The following GALNT13 variants were observed in gnomAD, a reference collection of about 807,000 sequenced individuals.
GALNT13 encodes polypeptide N-acetylgalactosaminyltransferase 13.
GALNT13 carries 28 observed loss-of-function variants against 64.2 expected under a neutral mutation model. The ratio of observed to expected loss-of-function variants is 0.44; its 90% CI spans 0.32 to 0.60. The LOEUF (loss-of-function observed/expected upper bound fraction) is 0.60. Ranked by LOEUF, GALNT13 falls within the 20% of genes least tolerant of loss-of-function variation. The pLI, the probability that GALNT13 is intolerant of heterozygous loss-of-function variation, is 0.05. For synonymous variants in GALNT13, 214 were observed against 224.6 expected, an observed-to-expected ratio of 0.95 and a Z score of 0.42; for missense variants, 577 against 669.8, an observed-to-expected ratio of 0.86 and a Z score of 1.53.
chr2:153,360,177 G>A, the GALNT13 span, among the ~76,000 whole-genome samples: 32 of 152,312 alleles, frequency 2.1e-4, no homozygotes, highest in African/African-American at 7.5e-4. Context: ...GCCCACCTGA[G>A]AGCCACATGG....
At chr2:154,110,352 G>GAGAGAGAGAGAGAGAGAGAC (rs1702900052) in intron 3 of GALNT13, among the ~76,000 whole-genome samples, 1 of 88,420 alleles carries the variant, frequency 1.1e-5, no homozygotes, top group African/African-American at 5.1e-5. Flanking sequence ...GAGAGAGAGA[G>GAGAGAGAGAGAGAGAGAGAC]AGAGAGAGAG....
At chr2:153,647,842 A>G in the GALNT13 span, among the ~76,000 whole-genome samples, 1 of 152,320 alleles carries the variant, frequency 6.6e-6, no homozygotes, top group Non-Finnish European at 1.5e-5. Flanking sequence ...TTTTGGTACC[A>G]GTACCATGCT....
rs1473102878 is a variant in GALNT13 at position 154,259,048 on chromosome 2, T to C, written c.885T>C (p.Phe295=). Residue 295 remains phenylalanine, a synonymous_variant, in exon 8 of 13, where the codon TTT becomes TTC. Transcript: ENST00000392825. The part of the protein sequence containing the change: ...VRTPTMAGGL[F]SIDRNYFEEI... ...CCCCTACTATGGCTGGTGGCCTATT[T>C]TCTATTGACAGAAACTACTTTGAAG... The C allele has an allele frequency of 6.2e-7, 1 of 1,606,324 alleles. No individual in the cohort carries two copies. Among genetic ancestry groups the C allele is most frequent in the Non-Finnish European group, 8.5e-7 (1 of 1,174,760 alleles).
the GALNT13 span, among the ~76,000 whole-genome samples, chr2:153,327,731 G>T: frequency 6.6e-6 from 1 of 151,926 alleles, no homozygotes; most frequent in Non-Finnish European, 1.5e-5. Context: ...CTTGCATTGT[G>T]TTAGAACATG....
chr2:154,195,874 A>G (rs1041952847), intron 4 of GALNT13, among the ~76,000 whole-genome samples: 5 of 152,126 alleles, frequency 3.3e-5, no homozygotes, highest in African/African-American at 7.2e-5. Context: ...ACCCCTGCTC[A>G]TGGTACCAGA....
chr2:154,414,959 A>C (rs905723726), intron 11 of GALNT13, among the ~76,000 whole-genome samples: 26 of 151,906 alleles, frequency 1.7e-4, no homozygotes, highest in African/African-American at 6.3e-4. Context: ...TAGTCTTATT[A>C]GGAATATGTT....
chr2:153,239,573 A>G, the GALNT13 span, among the ~76,000 whole-genome samples: 1 of 152,192 alleles, frequency 6.6e-6, no homozygotes, highest in Admixed American at 6.6e-5. Context: ...CTTTTTCAGC[A>G]TCAGTTGAAA....
the GALNT13 span, among the ~76,000 whole-genome samples, chr2:153,479,938 C>A: frequency 1.3e-5 from 2 of 152,130 alleles, no homozygotes; most frequent in African/African-American, 4.8e-5. Context: ...CCCATTACTC[C>A]CTGCCTTCCT....
the GALNT13 span, among the ~76,000 whole-genome samples, chr2:153,287,405 A>G: frequency 1.3e-5 from 2 of 152,192 alleles, no homozygotes; most frequent in Non-Finnish European, 2.9e-5. Flanking sequence ...TCGCAAGGAC[A>G]GAGGGCTTTC....
chr2:153,402,986 TGGA>T, the GALNT13 span, among the ~76,000 whole-genome samples: 1 of 152,034 alleles, frequency 6.6e-6, no homozygotes, highest in African/African-American at 2.4e-5. Flanking sequence ...TGCGTTCCTT[TGGA>T]GGAGGAGAGG....
chr2:153,943,017 A>T (rs1691450774), intron 2 of GALNT13, among the ~76,000 whole-genome samples: 1 of 152,196 alleles, frequency 6.6e-6, no homozygotes, highest in Non-Finnish European at 1.5e-5. Flanking sequence ...TCTTATTCAC[A>T]TCAATAAGCT....
the GALNT13 span, among the ~76,000 whole-genome samples, chr2:153,188,919 G>T: frequency 1.3e-5 from 2 of 151,990 alleles, no homozygotes; most frequent in Admixed American, 6.6e-5. Context: ...TCAAGTCAGG[G>T]TATTTAGGTT....
chr2:153,174,658 C>T, the GALNT13 span, among the ~76,000 whole-genome samples: 1 of 152,114 alleles, frequency 6.6e-6, no homozygotes, highest in Non-Finnish European at 1.5e-5. Flanking sequence ...ATAATGAATA[C>T]AGGTTCATCA....
chr2:153,975,986 A>G (rs66845208), intron 3 of GALNT13, among the ~76,000 whole-genome samples: 5,047 of 152,152 alleles, frequency 0.033, 123 homozygotes, highest in South Asian at 0.09. Context: ...AAGCTGGGGG[A>G]AAAAGAAAAA....
At chr2:154,026,310 T>G (rs1325613474) in intron 3 of GALNT13, among the ~76,000 whole-genome samples, 2 of 152,124 alleles carry the variant, frequency 1.3e-5, no homozygotes, top group Non-Finnish European at 2.9e-5. Flanking sequence ...CTCAAATTGC[T>G]CTCAGTCTTC....
intron 2 of GALNT13, among the ~76,000 whole-genome samples, chr2:153,917,147 C>T (rs1423047347): frequency 6.6e-6 from 1 of 151,776 alleles, no homozygotes; most frequent in East Asian, 1.9e-4. Context: ...TTGCCTAACA[C>T]AGATTCTTTT....
chr2:154,171,968 T>TCACA (rs1451941626), intron 4 of GALNT13, among the ~76,000 whole-genome samples: 2 of 110,932 alleles, frequency 1.8e-5, no homozygotes, highest in African/African-American at 8.4e-5. Context: ...TCTTTCTTTC[T>TCACA]CATACACACA....
the GALNT13 span, among the ~76,000 whole-genome samples, chr2:153,095,109 G>A: frequency 3.9e-5 from 6 of 152,078 alleles, no homozygotes; most frequent in Admixed American, 1.3e-4. Flanking sequence ...GCAACCTACA[G>A]AATGGGAGAA....
the GALNT13 span, among the ~76,000 whole-genome samples, chr2:153,496,149 T>C: frequency 2.6e-5 from 4 of 152,348 alleles, no homozygotes; most frequent in African/African-American, 9.6e-5. Flanking sequence ...TTTTAGGGTT[T>C]GATTTTCTCC....
Sources: gnomAD v4.1 joint callset for allele counts (sites outside exome capture counted in the v4.1 genomes callset) on GRCh38, gnomAD v4.1.1 for gene constraint, MANE v1.5 for transcripts, NCBI Gene and HGNC (gene_info 2026-07-23, HGNC 2026-07-21) for gene names.